Variants in TPD52 observed in about 807,000 individuals in gnomAD.
TPD52 encodes the protein tumor protein D52, also known as prostate and colon associated protein.
TPD52 carries 17 observed loss-of-function variants against 31.3 expected under a neutral mutation model. That is an observed-to-expected ratio of 0.54 (90% CI 0.37 to 0.82). The LOEUF (loss-of-function observed/expected upper bound fraction) is 0.82. Ranked by LOEUF, TPD52 falls within the 40% of genes least tolerant of loss-of-function variation. TPD52 has a pLI of 0.00. For synonymous variants in TPD52, 83 were observed against 89.6 expected (o/e 0.93, Z 0.42); for missense variants, 212 against 240.1 (o/e 0.88, Z 0.77).
At position 80,093,698 on chromosome 8, in the gene TPD52, C is replaced by T. The variant is rs186869857; in HGVS notation, c.20-29105G>A. Among the ~76,000 whole-genome samples the T allele has an allele frequency of 8.8e-4, 134 of 151,860 alleles. No homozygotes were observed. The Middle Eastern group carries it at 0.014, about 15-fold the overall frequency. ...TAATTAGATGCATTCAGTGGGTCAACCATTAAAAAAAATATACACTGCACA... is the reference window on the plus strand; with the variant it reads ...TAATTAGATGCATTCAGTGGGTCAATCATTAAAAAAAATATACACTGCACA... On this transcript the variant is annotated intron_variant, in intron 1 of 7. Coordinates refer to ENST00000518937, the MANE Select transcript of TPD52 (RefSeq NM_001025253.3).
intron 1 of TPD52, among the ~76,000 whole-genome samples, chr8:80,125,101 T>C (rs1270783123): frequency 6.6e-6 from 1 of 152,104 alleles, no homozygotes; most frequent in East Asian, 1.9e-4. Context: ...TTTATCAAGA[T>C]GGGAAGAGTG....
At chr8:80,058,551 A>T (rs1286768135) in intron 2 of TPD52, among the ~76,000 whole-genome samples, 3 of 152,256 alleles carry the variant, frequency 2.0e-5, no homozygotes, top group Admixed American at 1.3e-4. Context: ...TAATCCCAGG[A>T]CTTTGGGAGG....
chr8:80,072,315 A>ATGTGTG lies in TPD52; in HGVS notation c.20-7723_20-7722insCACACA, dbSNP rs1333429744. ...GAGAGAGACTCCATCTAAAAAACAT[A>ATGTGTG]TATGTGTGTGTGTGTGTGTGTGTGT... On this transcript the variant is annotated intron_variant, in intron 1 of 7. Transcript: ENST00000518937. Among the ~76,000 whole-genome samples, 17 of 70,432 alleles carry ATGTGTG rather than the reference A, an allele frequency of 2.4e-4. No homozygotes were observed. In the South Asian group the frequency reaches 5.3e-3, roughly 22 times the overall value. The allele number at this position is 70,432 out of a possible 152,430, so 46.2% of individuals were successfully genotyped here. A position where few individuals can be genotyped will look rare whatever the true frequency, so the allele number is the denominator to read the frequency against.
chr8:80,166,558 T>C (rs1486798114), intron 1 of TPD52, among the ~76,000 whole-genome samples: 3 of 151,756 alleles, frequency 2.0e-5, no homozygotes, highest in Non-Finnish European at 4.4e-5. Flanking sequence ...TAAATACATT[T>C]AGGGTTTTTT....
At chr8:80,090,426 A>C (rs1045498791) in intron 1 of TPD52, among the ~76,000 whole-genome samples, 2 of 151,864 alleles carry the variant, frequency 1.3e-5, no homozygotes, top group African/African-American at 4.8e-5. Flanking sequence ...AAGACAATGC[A>C]GAAGAGGAAG....
At chr8:80,148,780 A>G (rs1773547607) in intron 1 of TPD52, among the ~76,000 whole-genome samples, 1 of 152,174 alleles carries the variant, frequency 6.6e-6, no homozygotes, top group Admixed American at 6.5e-5. Context: ...TTTTGATACA[A>G]GCAAAAGCCC....
intron 1 of TPD52, among the ~76,000 whole-genome samples, chr8:80,109,361 T>C (rs1807349022): frequency 6.6e-6 from 1 of 152,218 alleles, no homozygotes; most frequent in South Asian, 2.1e-4. Context: ...AGGCCAAGTC[T>C]GATGAGACAA....
intron 7 of TPD52, among the ~76,000 whole-genome samples, chr8:80,041,148 G>A (rs1344417794): frequency 6.6e-6 from 1 of 152,194 alleles, no homozygotes; most frequent in South Asian, 2.1e-4. Flanking sequence ...GTCAGGGGGT[G>A]GGATGGTAGG....
At chr8:80,166,528 G>C (rs947978743) in intron 1 of TPD52, among the ~76,000 whole-genome samples, 1 of 151,484 alleles carries the variant, frequency 6.6e-6, no homozygotes, top group Non-Finnish European at 1.5e-5. Flanking sequence ...CACCACATGC[G>C]GCCATTAAAG....
chr8:80,103,014 T>C (rs1202924817), intron 1 of TPD52, among the ~76,000 whole-genome samples: 1 of 152,182 alleles, frequency 6.6e-6, no homozygotes, highest in Non-Finnish European at 1.5e-5. Flanking sequence ...TCCATGCCCC[T>C]TCTCCCACAC....
rs1481299394 is a variant in TPD52 at position 80,038,130 on chromosome 8, G to T, written c.610C>A (p.Gln204Lys). 6.2e-7 allele frequency: 1 copy of T among 1,614,108 alleles called. No homozygotes were observed. Among genetic ancestry groups the T allele is most frequent in the African/African-American group, 1.3e-5 (1 of 75,046 alleles). ...TTTEPLPEKT[Q>K]ESL The stretch of plus-strand genomic sequence containing the variant: ...AGGTAGGAATCTCACAGGCTCTCCT[G>T]TGTCTTTTCTGGAAGAGGCTCCGTG... Residue 204 changes from glutamine (Q) to lysine (K), a missense_variant, in exon 8 of 8, where the codon CAG becomes AAG. Coordinates refer to ENST00000518937, the MANE Select transcript of TPD52 (RefSeq NM_001025253.3).
Position 80,110,012 on chromosome 8 carries a change from T to C in TPD52, c.20-45419A>G, listed in dbSNP as rs77480400. 6.1e-3 allele frequency among the ~76,000 whole-genome samples: 934 copies of C among 152,022 alleles called. 10 individuals carry two copies. Among genetic ancestry groups the C allele is most frequent in the African/African-American group, 0.021 (889 of 41,458 alleles). On this transcript the variant is annotated intron_variant, in intron 1 of 7. Coordinates refer to ENST00000518937, the MANE Select transcript of TPD52 (RefSeq NM_001025253.3). Reference sequence around the variant, plus strand: ...CCTGATGTGTGGACCACTCAGGGAGTTCACCAAAATGCCCACTGCCATAAC... The same window carrying C: ...CCTGATGTGTGGACCACTCAGGGAGCTCACCAAAATGCCCACTGCCATAAC...
intron 2 of TPD52, among the ~76,000 whole-genome samples, chr8:80,058,347 T>C (rs1030180769): frequency 6.6e-6 from 1 of 152,228 alleles, no homozygotes; most frequent in Non-Finnish European, 1.5e-5. Context: ...TCCAAATGTT[T>C]ATAAATAATA....
At chr8:80,112,746 AACC>A (rs1431549566) in intron 1 of TPD52, among the ~76,000 whole-genome samples, 1 of 47,924 alleles carries the variant, frequency 2.1e-5, no homozygotes, top group Non-Finnish European at 4.7e-5. Flanking sequence ...CTTCATCAGC[AACC>A]CCCCAACCCA....
At chr8:80,050,499 A>T in intron 4 of TPD52, 28 bp from the exon 5 acceptor site, 2 of 1,591,872 alleles carry the variant, frequency 1.3e-6, no homozygotes, top group Non-Finnish European at 1.7e-6. Flanking sequence ...AAGCATTAAA[A>T]AAGAAAGAAG....
chr8:80,095,695 C>G (rs977097595), intron 1 of TPD52, among the ~76,000 whole-genome samples: 2 of 97,978 alleles, frequency 2.0e-5, no homozygotes, highest in African/African-American at 8.4e-5. Context: ...GCCTGTAATC[C>G]AAGCACTTGG....
At position 80,060,119 on chromosome 8, in the gene TPD52, T is replaced by C. The variant is rs570959607; in HGVS notation, c.135+4359A>G. Among the ~76,000 whole-genome samples the C allele has an allele frequency of 3.6e-5, 5 of 137,014 alleles. No homozygotes were observed. The South Asian group carries it at 7.0e-4, about 19-fold the overall frequency. The allele number at this position is 137,014 out of a possible 152,430, so 89.9% of individuals were successfully genotyped here. On this transcript the variant is annotated intron_variant, in intron 2 of 7. Coordinates refer to ENST00000518937, the MANE Select transcript of TPD52 (RefSeq NM_001025253.3). ...AAAGAAAAGAAAAAGATGAGTGAAA[T>C]TGACAAACCTATAGCTAGACTGACC...
intron 1 of TPD52, among the ~76,000 whole-genome samples, chr8:80,081,809 T>C (rs1020060383): frequency 3.9e-5 from 6 of 152,242 alleles, no homozygotes; most frequent in Non-Finnish European, 8.8e-5. Context: ...AGGTCTTTTT[T>C]TGTTTTGTTT....
At position 80,036,989 on chromosome 8, in the gene TPD52, G is replaced by A. The variant is rs1026908809; in HGVS notation, c.*1127C>T. The A allele has an allele frequency of 2.0e-5, 3 of 152,464 alleles. No individual in the cohort carries two copies. The highest frequency in any genetic ancestry group is 6.5e-5 in the Admixed American group (1 of 15,276). 9.4% of individuals were successfully genotyped at this position (152,464 alleles called of 1,614,324 possible). A position where few individuals can be genotyped will look rare whatever the true frequency, so the allele number is the denominator to read the frequency against. ...ATGTCTAGACACTTTGATTCACTCA[G>A]CCCTGACATTCAGTTTTCAAAGTAG... On this transcript the variant is annotated 3_prime_UTR_variant, in exon 8 of 8. Coordinates refer to ENST00000518937, the MANE Select transcript of TPD52 (RefSeq NM_001025253.3).
Sources: gnomAD v4.1 joint callset for allele counts (sites outside exome capture counted in the v4.1 genomes callset) on GRCh38, gnomAD v4.1.1 for gene constraint, MANE v1.5 for transcripts, NCBI Gene and HGNC (gene_info 2026-07-23, HGNC 2026-07-21) for gene names.